Variants in CFAP299 observed in about 807,000 individuals in gnomAD.
The protein encoded by CFAP299 is cilia and flagella associated protein 299.
Under a neutral mutation model 27.0 loss-of-function variants are expected in CFAP299, and 21 were observed. That is an observed-to-expected ratio of 0.78 (90% CI 0.55 to 1.12). CFAP299 has a LOEUF of 1.12. CFAP299 is among the 50% of genes most tolerant of loss of function. The pLI is 0.00. For synonymous variants in CFAP299, 104 were observed against 98.1 expected, an observed-to-expected ratio of 1.06 and a Z score of -0.36; for missense variants, 310 against 276.6, an observed-to-expected ratio of 1.12 and a Z score of -0.86.
chr4:80,618,407 T>C (rs763726039), intron 3 of CFAP299, among the ~76,000 whole-genome samples: 9 of 152,136 alleles, frequency 5.9e-5, no homozygotes, highest in Non-Finnish European at 8.8e-5. Context: ...CAGCCAAGTA[T>C]GTACTTTGAT....
intron 4 of CFAP299, among the ~76,000 whole-genome samples, chr4:80,936,764 G>T (rs549743307): frequency 6.6e-6 from 1 of 151,534 alleles, no homozygotes. Context: ...TAACAAATCT[G>T]CACATGTACT....
At chr4:80,803,367 T>C (rs1728708085) in intron 3 of CFAP299, among the ~76,000 whole-genome samples, 1 of 152,128 alleles carries the variant, frequency 6.6e-6, no homozygotes, top group Admixed American at 6.6e-5. Flanking sequence ...GAAACATTAT[T>C]AGGATTTTGT....
Position 80,736,695 on chromosome 4 carries a change from A to G in CFAP299, c.334-133298A>G, listed in dbSNP as rs560474831. On this transcript the variant is annotated intron_variant, in intron 3 of 5. Transcript: ENST00000358105. ...CTGGAGAGGATGTGGAGAAATAGGA[A>G]CACTTTTACACTGTTGGTGGGACTG... is the stretch of plus-strand genomic sequence containing the variant. 7.7e-4 allele frequency among the ~76,000 whole-genome samples: 118 copies of G among 152,282 alleles called. 1 individual carries two copies. The South Asian group carries it at 0.017, about 22-fold the overall frequency.
At chr4:80,413,013 A>G (rs1408189986) in intron 2 of CFAP299, among the ~76,000 whole-genome samples, 2 of 152,208 alleles carry the variant, frequency 1.3e-5, no homozygotes, top group Admixed American at 6.5e-5. Flanking sequence ...AACAGATTTC[A>G]GTCTTTTTGA....
rs1414977580 is a variant in CFAP299 at position 80,856,753 on chromosome 4, A to G, written c.334-13240A>G. ...ATTTCTGAGGGCTCTGTTCTGTTCC[A>G]TTGATCTATATCTCTGTTTTGGTAC... On this transcript the variant is annotated intron_variant, in intron 3 of 5. Coordinates refer to ENST00000358105, the MANE Select transcript of CFAP299 (RefSeq NM_152770.3). Among the ~76,000 whole-genome samples the G allele has an allele frequency of 2.6e-5, 4 of 151,976 alleles. No individual in the cohort carries two copies. In the South Asian group the frequency reaches 8.3e-4, roughly 32 times the overall value.
intron 1 of CFAP299, among the ~76,000 whole-genome samples, chr4:80,341,081 T>A (rs1181078534): frequency 6.6e-6 from 1 of 152,188 alleles, no homozygotes; most frequent in Non-Finnish European, 1.5e-5. Context: ...TGGCCCAGAC[T>A]GCTTCTTTGA....
At chr4:80,575,360 C>A (rs560361524) in intron 2 of CFAP299, among the ~76,000 whole-genome samples, 47 of 151,112 alleles carry the variant, frequency 3.1e-4, no homozygotes, top group African/African-American at 1.1e-3. Flanking sequence ...AGATCTCACT[C>A]TGTCTGCCAG....
intron 3 of CFAP299, among the ~76,000 whole-genome samples, chr4:80,806,975 C>T (rs1277665261): frequency 1.3e-5 from 2 of 152,082 alleles, no homozygotes; most frequent in Non-Finnish European, 2.9e-5. Flanking sequence ...ATTAAGTATG[C>T]TTTGAAAATG....
At chr4:80,672,001 C>T (rs563927576) in intron 3 of CFAP299, among the ~76,000 whole-genome samples, 111 of 152,320 alleles carry the variant, frequency 7.3e-4, no homozygotes, top group African/African-American at 2.5e-3. Flanking sequence ...TTATTTCTTT[C>T]TCTTGCCTGA....
chr4:80,751,289 G>T (rs918523613), intron 3 of CFAP299, among the ~76,000 whole-genome samples: 12 of 152,302 alleles, frequency 7.9e-5, no homozygotes, highest in African/African-American at 2.6e-4. Context: ...GGAGGTCTCA[G>T]TCAGGAGGAA....
At chr4:80,932,694 A>G (rs1392893299) in intron 4 of CFAP299, among the ~76,000 whole-genome samples, 5 of 152,202 alleles carry the variant, frequency 3.3e-5, no homozygotes, top group African/African-American at 7.2e-5. Flanking sequence ...TGGCAAATCT[A>G]TGGCAAAACT....
intron 2 of CFAP299, among the ~76,000 whole-genome samples, chr4:80,380,304 A>G (rs1283624662): frequency 2.0e-5 from 3 of 152,146 alleles, no homozygotes; most frequent in Non-Finnish European, 2.9e-5. Context: ...AGAGAAAACT[A>G]TATAGACAAA....
At chr4:80,427,464 G>T (rs1272190385) in intron 2 of CFAP299, among the ~76,000 whole-genome samples, 1 of 152,110 alleles carries the variant, frequency 6.6e-6, no homozygotes, top group Non-Finnish European at 1.5e-5. Flanking sequence ...TAACTTGGCT[G>T]TTCTTTCCTA....
At chr4:80,949,818 G>A (rs1382461369) in intron 5 of CFAP299, among the ~76,000 whole-genome samples, 1 of 152,084 alleles carries the variant, frequency 6.6e-6, no homozygotes, top group Non-Finnish European at 1.5e-5. Flanking sequence ...TCTTGGACTG[G>A]ACTCAATAGG....
intron 3 of CFAP299, among the ~76,000 whole-genome samples, chr4:80,759,042 A>G (rs1725409333): frequency 6.6e-6 from 1 of 152,248 alleles, no homozygotes; most frequent in Non-Finnish European, 1.5e-5. Flanking sequence ...TTAAAACATT[A>G]CAATATATAC....
At chr4:80,740,010 TATTTA>T (rs1239231956) in intron 3 of CFAP299, among the ~76,000 whole-genome samples, 1 of 152,228 alleles carries the variant, frequency 6.6e-6, no homozygotes, top group Non-Finnish European at 1.5e-5. Flanking sequence ...TTTTTCTCTT[TATTTA>T]ATTTCTTTGT....
intron 3 of CFAP299, among the ~76,000 whole-genome samples, chr4:80,816,942 G>A (rs1270804313): frequency 6.6e-6 from 1 of 152,086 alleles, no homozygotes. Flanking sequence ...GCAGCCCATG[G>A]GCCACAGGTT....
At chr4:80,851,960 G>A (rs1232527860) in intron 3 of CFAP299, among the ~76,000 whole-genome samples, 1 of 152,130 alleles carries the variant, frequency 6.6e-6, no homozygotes, top group African/African-American at 2.4e-5. Flanking sequence ...ACTACTAAAT[G>A]TGTGTCAGCT....
rs537456342 is a variant in CFAP299, at chr4:80,728,402, C to T, written c.334-141591C>T. 1.9e-3 allele frequency among the ~76,000 whole-genome samples: 284 copies of T among 152,104 alleles called. 1 individual carries two copies. The highest frequency in any genetic ancestry group is 2.1e-3 in the Non-Finnish European group (141 of 67,948). On this transcript the variant is annotated intron_variant, in intron 3 of 5. Transcript: ENST00000358105. ...AGAATGTTATTGTGAATTATATTTT[C>T]GTTTTTTAAAAAACAATACTTTTTC...
Sources: gnomAD v4.1 joint callset for allele counts (sites outside exome capture counted in the v4.1 genomes callset) on GRCh38, gnomAD v4.1.1 for gene constraint, MANE v1.5 for transcripts, NCBI Gene and HGNC (gene_info 2026-07-23, HGNC 2026-07-21) for gene names.